DACH1: variants seen among roughly 807,000 people sequenced by gnomAD.
DACH1 encodes the protein dachshund homolog 1.
A neutral mutation model predicts 54.2 loss-of-function variants in DACH1; 12 were observed. That is an observed-to-expected ratio of 0.22 (90% CI 0.14 to 0.36). The LOEUF (loss-of-function observed/expected upper bound fraction) is 0.36, where lower values mean the gene tolerates loss of function less well. Among genes scored for constraint, DACH1 ranks in the 10% least tolerant of loss-of-function variants. DACH1 has a pLI of 1.00. For synonymous variants in DACH1, 386 were observed against 366.2 expected (o/e 1.05, Z -0.62); for missense variants, 805 against 929.8 (o/e 0.87, Z 1.75).
At chr13:71,441,214 C>T (rs550783288) in intron 10 of DACH1, among the ~76,000 whole-genome samples, 1 of 151,956 alleles carries the variant, frequency 6.6e-6, no homozygotes, top group Non-Finnish European at 1.5e-5. Flanking sequence ...TGAACTATAG[C>T]CTTTACCCCT....
chr13:71,779,247 GTATATACGTA>G (rs1566495130), intron 1 of DACH1, among the ~76,000 whole-genome samples: 1 of 121,412 alleles, frequency 8.2e-6, no homozygotes, highest in Non-Finnish European at 1.7e-5. Flanking sequence ...ACATATATAC[GTATATACGTA>G]TATATGTGTA....
chr13:71,682,148 T>C (rs1880939434), intron 1 of DACH1, among the ~76,000 whole-genome samples: 1 of 152,222 alleles, frequency 6.6e-6, no homozygotes, highest in African/African-American at 2.4e-5. Context: ...ACCTGCTTCT[T>C]CATATTAATA....
At chr13:71,823,229 A>T (rs1023401409) in intron 1 of DACH1, among the ~76,000 whole-genome samples, 6 of 152,238 alleles carry the variant, frequency 3.9e-5, no homozygotes, top group Admixed American at 6.5e-5. Context: ...AAAATTATTC[A>T]ATCTTTTGTT....
At chr13:71,865,868 G>C in intron 1 of DACH1, 54 bp downstream of exon 1, 3 of 1,493,620 alleles carry the variant, frequency 2.0e-6, no homozygotes, top group Non-Finnish European at 2.7e-6. Flanking sequence ...GAGGGCAGGC[G>C]AGCAGGCTGG....
At chr13:71,764,319 C>T (rs1885527773) in intron 1 of DACH1, among the ~76,000 whole-genome samples, 1 of 152,024 alleles carries the variant, frequency 6.6e-6, no homozygotes, top group Non-Finnish European at 1.5e-5. Context: ...AGGATTACTT[C>T]AGGAATTCAA....
chr13:71,688,639 C>T (rs1273812871), intron 1 of DACH1, among the ~76,000 whole-genome samples: 1 of 152,156 alleles, frequency 6.6e-6, no homozygotes, highest in African/African-American at 2.4e-5. Flanking sequence ...TTCCCACACT[C>T]ACCAAAATAC....
Position 71,440,224 on chromosome 13 carries a change from G to A in DACH1, c.*431C>T, listed in dbSNP as rs905439935. Reference sequence around the variant, plus strand: ...TCGTTCATTCCAAGTGTTCTTGCTGGTTTCTGGAGGACATAATTCTGTAAG... The same window carrying A: ...TCGTTCATTCCAAGTGTTCTTGCTGATTTCTGGAGGACATAATTCTGTAAG... On this transcript the variant is annotated 3_prime_UTR_variant, in exon 11 of 11. Transcript: ENST00000613252. 1.3e-5 allele frequency: 2 copies of A among 153,300 alleles called. No homozygotes were observed. The highest frequency in any genetic ancestry group is 4.8e-5 in the African/African-American group (2 of 41,326). The allele number at this position is 153,300 out of a possible 1,614,324, so 9.5% of individuals were successfully genotyped here. A position where few individuals can be genotyped will look rare whatever the true frequency, so the allele number is the denominator to read the frequency against.
rs111404689 is a variant in DACH1 at position 71,674,679 on chromosome 13, G to A, written c.964+7116C>T. Among the ~76,000 whole-genome samples the A allele has an allele frequency of 3.3e-5, 5 of 152,202 alleles. 1 individual carries two copies. The highest frequency in any genetic ancestry group is 1.2e-4 in the African/African-American group (5 of 41,548). Reference sequence around the variant, plus strand: ...ACTCGCAACCTCCATAACTCTGCAAGTATAAATTGTGGTTTTGCCACTAAG... The same window carrying A: ...ACTCGCAACCTCCATAACTCTGCAAATATAAATTGTGGTTTTGCCACTAAG... On this transcript the variant is annotated intron_variant, in intron 2 of 10. Transcript: ENST00000613252.
intron 5 of DACH1, among the ~76,000 whole-genome samples, chr13:71,557,855 A>G (rs1262717238): frequency 6.6e-6 from 1 of 151,812 alleles, no homozygotes; most frequent in Non-Finnish European, 1.5e-5. Context: ...AAAAAAAAAA[A>G]AAAAAAGTTA....
Position 71,601,423 on chromosome 13 carries a change from C to T in DACH1, c.1127-28411G>A, listed in dbSNP as rs550170284. ...ATAATATTTATGAAACTGTCTTCAA[C>T]GCATCACTACATAGTAATTTATGAC... is the stretch of plus-strand genomic sequence containing the variant. On this transcript the variant is annotated intron_variant, in intron 3 of 10. Transcript: ENST00000613252. Among the ~76,000 whole-genome samples, 7 of 152,060 alleles carry T rather than the reference C, an allele frequency of 4.6e-5. No individual in the cohort carries two copies. In the East Asian group the frequency reaches 1.2e-3, roughly 25 times the overall value.
chr13:71,767,876 GAGA>G (rs921287494), intron 1 of DACH1, among the ~76,000 whole-genome samples: 2 of 151,908 alleles, frequency 1.3e-5, no homozygotes, highest in East Asian at 1.9e-4. Flanking sequence ...TCAGTGGGAT[GAGA>G]AGAATATGTT....
intron 5 of DACH1, among the ~76,000 whole-genome samples, chr13:71,558,770 G>A (rs1480017890): frequency 2.0e-5 from 3 of 151,746 alleles, no homozygotes; most frequent in African/African-American, 7.3e-5. Context: ...GCCAATAATT[G>A]ACTATCTTTT....
At chr13:71,820,048 C>T (rs1279545871) in intron 1 of DACH1, among the ~76,000 whole-genome samples, 1 of 124,550 alleles carries the variant, frequency 8.0e-6, no homozygotes, top group African/African-American at 3.0e-5. Context: ...GGGAGAATCA[C>T]TTGAGCCCAG....
intron 2 of DACH1, among the ~76,000 whole-genome samples, chr13:71,680,872 A>C (rs1260218145): frequency 6.6e-6 from 1 of 152,130 alleles, no homozygotes; most frequent in Non-Finnish European, 1.5e-5. Flanking sequence ...ACAGAAAGAC[A>C]AATGTTACAA....
chr13:71,718,452 G>A (rs1306740302), intron 1 of DACH1, among the ~76,000 whole-genome samples: 1 of 151,778 alleles, frequency 6.6e-6, no homozygotes, highest in Non-Finnish European at 1.5e-5. Context: ...GCTGGGCATG[G>A]TGGTGCACCT....
rs1290057992 is a variant in DACH1, at chr13:71,523,890, A to C, written c.1570+33134T>G. On this transcript the variant is annotated intron_variant, in intron 6 of 10. Coordinates refer to ENST00000613252, the MANE Select transcript of DACH1 (RefSeq NM_080759.6). ...CTGTTTGCCACCAGTAGACAATTTA[A>C]TTTTACCATATGCAGTATGTGAAAA... 2.6e-5 allele frequency among the ~76,000 whole-genome samples: 4 copies of C among 152,248 alleles called. No individual in the cohort carries two copies. In the East Asian group the frequency reaches 7.7e-4, roughly 29 times the overall value.
intron 2 of DACH1, among the ~76,000 whole-genome samples, chr13:71,678,750 C>G (rs1880718862): frequency 6.6e-6 from 1 of 152,078 alleles, no homozygotes; most frequent in Admixed American, 6.5e-5. Flanking sequence ...CTGGATCTCC[C>G]AGGTTCAAGT....
intron 6 of DACH1, among the ~76,000 whole-genome samples, chr13:71,527,239 C>CA (rs1566317300): frequency 1.3e-5 from 2 of 151,774 alleles, no homozygotes; most frequent in East Asian, 3.9e-4. Flanking sequence ...GAATGCATCA[C>CA]AACTAATTTA....
intron 1 of DACH1, among the ~76,000 whole-genome samples, chr13:71,710,522 G>A (rs1247345383): frequency 6.6e-6 from 1 of 151,382 alleles, no homozygotes; most frequent in Non-Finnish European, 1.5e-5. Context: ...TGAACAGGAG[G>A]AGAGTGTTAC....
Sources: allele counts gnomAD v4.1 joint callset (sites outside exome capture counted in the v4.1 genomes callset), GRCh38; gene constraint gnomAD v4.1.1; transcripts MANE v1.5; gene names NCBI Gene and HGNC (gene_info 2026-07-23, HGNC 2026-07-21).